Variants in PPHLN1 observed in about 807,000 individuals in gnomAD.
PPHLN1 encodes the protein periphilin 1, also known as periphilin-1.
A neutral mutation model predicts 51.3 loss-of-function variants in PPHLN1; 29 were observed. The observed-to-expected ratio is 0.57, with a 90% CI of 0.42 to 0.77. PPHLN1 has a LOEUF of 0.77. PPHLN1 is among the 30% of genes least tolerant of loss of function. The pLI is 0.00. For synonymous variants in PPHLN1, 147 were observed against 147.8 expected (o/e 0.99, Z 0.04); for missense variants, 436 against 438.4 (o/e 0.99, Z 0.05).
At chr12:42,407,604 A>G (rs2079427339) in intron 9 of PPHLN1, among the ~76,000 whole-genome samples, 1 of 152,226 alleles carries the variant, frequency 6.6e-6, no homozygotes, top group Admixed American at 6.5e-5. Flanking sequence ...ATTCCTCAGT[A>G]TCCGTGGGGA....
At chr12:42,444,709 C>T (rs2083203234), downstream of PPHLN1, 2 of 258,450 alleles carry the variant, frequency 7.7e-6, no homozygotes, top group Admixed American at 5.1e-5. Context: ...TTGCCCCTAT[C>T]TCTAGACCTT....
chr12:42,414,734 T>C (rs2080217945), intron 9 of PPHLN1, among the ~76,000 whole-genome samples: 1 of 152,206 alleles, frequency 6.6e-6, no homozygotes, highest in Non-Finnish European at 1.5e-5. Flanking sequence ...AGCAATAGTT[T>C]GACTTACTCA....
At chr12:42,411,903 CAAAA>C (rs1212289027) in intron 9 of PPHLN1, among the ~76,000 whole-genome samples, 4 of 33,986 alleles carry the variant, frequency 1.2e-4, no homozygotes, top group African/African-American at 5.0e-4. Flanking sequence ...GACTCAGTCT[CAAAA>C]AAAAAAAAAA....
At chr12:42,344,490 A>G in intron 2 of PPHLN1, among the ~76,000 whole-genome samples, 1 of 152,158 alleles carries the variant, frequency 6.6e-6, no homozygotes, top group East Asian at 1.9e-4. Context: ...TTAAAATGTC[A>G]ATAAGTATTT....
intron 7 of PPHLN1, among the ~76,000 whole-genome samples, chr12:42,392,457 T>C (rs568194236): frequency 2.4e-4 from 37 of 152,256 alleles, no homozygotes; most frequent in African/African-American, 8.9e-4. Flanking sequence ...AGAGGTATAT[T>C]TGGAATCAGT....
intron 7 of PPHLN1, among the ~76,000 whole-genome samples, chr12:42,393,278 AATT>A (rs1435331593): frequency 3.9e-5 from 6 of 152,160 alleles, no homozygotes; most frequent in African/African-American, 1.4e-4. Context: ...TTCTAAATAT[AATT>A]ATTATATGAG....
At chr12:42,361,640 T>TG (rs2074699668) in intron 4 of PPHLN1, 1 of 152,222 alleles carries the variant, frequency 6.6e-6, no homozygotes, top group Admixed American at 6.5e-5. Context: ...GTTGGTTGGT[T>TG]TTGTTTTTCA....
intron 2 of PPHLN1, among the ~76,000 whole-genome samples, chr12:42,345,060 A>G (rs1179232339): frequency 6.6e-6 from 1 of 152,164 alleles, no homozygotes; most frequent in Admixed American, 6.5e-5. Context: ...ATAACCATCA[A>G]CTTGGTGCTT....
chr12:42,329,780 A>G (rs2069408951), intron 1 of PPHLN1: 1 of 152,060 alleles, frequency 6.6e-6, no homozygotes, highest in Non-Finnish European at 1.5e-5. Flanking sequence ...TACCTGGATG[A>G]AGGGTGGCCT....
At chr12:42,330,886 T>A (rs1565718893) in intron 1 of PPHLN1, among the ~76,000 whole-genome samples, 1 of 152,148 alleles carries the variant, frequency 6.6e-6, no homozygotes, top group Non-Finnish European at 1.5e-5. Flanking sequence ...ATTTTTTGTA[T>A]TTTTGGTAGA....
downstream of PPHLN1, chr12:42,446,345 T>C: frequency 1.3e-6 from 2 of 1,514,402 alleles, no homozygotes; most frequent in Non-Finnish European, 8.8e-7. Flanking sequence ...TACTATACCC[T>C]ATTAAGCCCA....
At chr12:42,355,482 A>G (rs993509448) in intron 4 of PPHLN1, 6 of 296,414 alleles carry the variant, frequency 2.0e-5, no homozygotes, top group Non-Finnish European at 1.3e-5. Context: ...CACACTGTTA[A>G]TCTCCGTGCT....
intron 8 of PPHLN1, among the ~76,000 whole-genome samples, chr12:42,396,730 C>T (rs575275990): frequency 1.4e-5 from 2 of 146,680 alleles, no homozygotes; most frequent in Admixed American, 6.9e-5. Context: ...TTGAAGTTTG[C>T]AGTGAGCTGT....
intron 4 of PPHLN1, among the ~76,000 whole-genome samples, chr12:42,356,384 C>A (rs2074050595): frequency 6.6e-6 from 1 of 152,180 alleles, no homozygotes; most frequent in Non-Finnish European, 1.5e-5. Context: ...TACACTGTGG[C>A]TGTGGAACCC....
downstream of PPHLN1, chr12:42,445,931 T>C (rs775319284): frequency 5.5e-6 from 8 of 1,454,408 alleles, no homozygotes; most frequent in Middle Eastern, 1.8e-4. Context: ...AATGTTTTGC[T>C]AACATGGGGA....
At chr12:42,433,320 G>T in intron 9 of PPHLN1, 1 of 584,682 alleles carries the variant, frequency 1.7e-6, no homozygotes, top group Non-Finnish European at 3.2e-6. Flanking sequence ...CTGGCATTCT[G>T]GTTGCCAATT....
chr12:42,384,464 G>T (rs1251997303), intron 5 of PPHLN1, among the ~76,000 whole-genome samples: 1 of 152,170 alleles, frequency 6.6e-6, no homozygotes, highest in African/African-American at 2.4e-5. Flanking sequence ...ATAATTAGGG[G>T]CTCAACCAGT....
chr12:42,374,056 T>G (rs759806883), intron 4 of PPHLN1, among the ~76,000 whole-genome samples: 8 of 152,114 alleles, frequency 5.3e-5, no homozygotes, highest in Non-Finnish European at 1.0e-4. Flanking sequence ...CAAAAATACC[T>G]CTAGACAATG....
intron 7 of PPHLN1, among the ~76,000 whole-genome samples, chr12:42,388,017 G>A (rs1038385332): frequency 1.2e-4 from 19 of 152,218 alleles, no homozygotes; most frequent in African/African-American, 4.6e-4. Flanking sequence ...ACTGCGGAAC[G>A]CCGCAGGGAC....
Sources: gnomAD v4.1 joint callset for allele counts (sites outside exome capture counted in the v4.1 genomes callset) on GRCh38, gnomAD v4.1.1 for gene constraint, MANE v1.5 for transcripts, NCBI Gene and HGNC (gene_info 2026-07-23, HGNC 2026-07-21) for gene names.